Variants in DISC1 observed in about 807,000 individuals in gnomAD.
The protein encoded by DISC1 is disrupted in schizophrenia 1 protein.
Under a neutral mutation model 84.5 loss-of-function variants are expected in DISC1, and 57 were observed. That is an observed-to-expected ratio of 0.67 (90% CI 0.55 to 0.84). The LOEUF (loss-of-function observed/expected upper bound fraction) is 0.84, where lower values mean the gene tolerates loss of function less well. Ranked by LOEUF, DISC1 falls within the 40% of genes least tolerant of loss-of-function variation. The pLI is 0.00. For synonymous variants in DISC1, 411 were observed against 415.2 expected, an observed-to-expected ratio of 0.99 and a Z score of 0.12; for missense variants, 1,000 against 1,057.8, an observed-to-expected ratio of 0.95 and a Z score of 0.76.
intron 9 of DISC1, among the ~76,000 whole-genome samples, chr1:231,823,587 C>G (rs2081650333): frequency 6.6e-6 from 1 of 152,136 alleles, no homozygotes; most frequent in Non-Finnish European, 1.5e-5. Flanking sequence ...AGTGGAAAGT[C>G]CTCCTGAACA....
At chr1:231,926,495 C>G (rs929877574) in intron 9 of DISC1, among the ~76,000 whole-genome samples, 2 of 152,194 alleles carry the variant, frequency 1.3e-5, no homozygotes, top group Non-Finnish European at 2.9e-5. Context: ...GAACAACTTG[C>G]TGTACTTAAG....
chr1:232,022,933 G>A (rs3524), intron 11 of DISC1, among the ~76,000 whole-genome samples: 93,535 of 151,928 alleles, frequency 0.62, 30,350 homozygotes, highest in African/African-American at 0.83. Flanking sequence ...ACAGCCCCAC[G>A]AAAGAATGCC....
At chr1:231,774,352 A>C (rs1037213677) in intron 6 of DISC1, among the ~76,000 whole-genome samples, 1 of 152,180 alleles carries the variant, frequency 6.6e-6, no homozygotes, top group African/African-American at 2.4e-5. Context: ...CAATCTAATG[A>C]CTAGTTAATA....
chr1:231,978,607 G>T (rs943028657), intron 10 of DISC1, among the ~76,000 whole-genome samples: 1 of 152,136 alleles, frequency 6.6e-6, no homozygotes, highest in African/African-American at 2.4e-5. Context: ...TCACGGTTTC[G>T]TATATTCGTG....
intron 1 of DISC1, among the ~76,000 whole-genome samples, chr1:231,650,170 C>T (rs1027624338): frequency 4.6e-5 from 7 of 152,184 alleles, no homozygotes; most frequent in Admixed American, 3.3e-4. Context: ...ATGGTCTTTA[C>T]AGTTTGGCAT....
intron 10 of DISC1, among the ~76,000 whole-genome samples, chr1:231,999,193 T>C (rs1386993003): frequency 6.6e-6 from 1 of 152,108 alleles, no homozygotes; most frequent in Non-Finnish European, 1.5e-5. Flanking sequence ...ATGGACCATT[T>C]CTCTCTGCTT....
chr1:231,827,621 C>T (rs971935499), intron 9 of DISC1, among the ~76,000 whole-genome samples: 4 of 152,302 alleles, frequency 2.6e-5, no homozygotes, highest in South Asian at 2.1e-4. Flanking sequence ...TTTTCAGATT[C>T]TCTGAGCTCT....
chr1:231,744,454 T>C (rs1558466034), intron 3 of DISC1, among the ~76,000 whole-genome samples: 1 of 152,256 alleles, frequency 6.6e-6, no homozygotes, highest in Non-Finnish European at 1.5e-5. Flanking sequence ...AAGTTCTCAT[T>C]AGAATGGATT....
At chr1:231,945,442 C>A (rs1012112870) in intron 9 of DISC1, among the ~76,000 whole-genome samples, 2 of 152,180 alleles carry the variant, frequency 1.3e-5, no homozygotes, top group Non-Finnish European at 2.9e-5. Context: ...AAAGCAGAAT[C>A]TCTGGGACAC....
At chr1:231,736,950 T>G (rs1210351530) in intron 3 of DISC1, among the ~76,000 whole-genome samples, 1 of 152,272 alleles carries the variant, frequency 6.6e-6, no homozygotes, top group Non-Finnish European at 1.5e-5. Flanking sequence ...GATTTCTTGC[T>G]GCTTATAAAT....
intron 9 of DISC1, among the ~76,000 whole-genome samples, chr1:231,837,239 A>G (rs2082689793): frequency 6.6e-6 from 1 of 152,174 alleles, no homozygotes; most frequent in African/African-American, 2.4e-5. Context: ...CATAATGACA[A>G]TTAGAAAGGT....
intron 9 of DISC1, among the ~76,000 whole-genome samples, chr1:231,931,074 A>G (rs968058083): frequency 6.6e-6 from 1 of 152,076 alleles, no homozygotes; most frequent in Non-Finnish European, 1.5e-5. Flanking sequence ...CAAACTAGAC[A>G]TTGTCTTCAA....
chr1:232,016,949 G>T (rs1308871192), intron 11 of DISC1, among the ~76,000 whole-genome samples: 1 of 152,070 alleles, frequency 6.6e-6, no homozygotes, highest in Non-Finnish European at 1.5e-5. Flanking sequence ...TCTCAATTTT[G>T]CCTCTCTGCT....
In DISC1 at chr1:231,750,050, T is replaced by C; in HGVS notation, c.1242T>C (p.Ala414=). ...GTCACCTGGCAGCACAAGTCCAGGC[T>C]GCCTTGCGCCGTGGGGCCACTCAGC... is the stretch of plus-strand genomic sequence containing the variant. The part of the protein sequence containing the change: ...FLGHLAAQVQ[A]ALRRGATQQA... The change falls in exon 4 of 13, where the codon GCT becomes GCC. Residue 414 remains alanine (A), a synonymous_variant. Coordinates refer to ENST00000439617, the MANE Select transcript of DISC1 (RefSeq NM_018662.3). 2 of 1,614,148 alleles carry C rather than the reference T, an allele frequency of 1.2e-6. No homozygotes were observed. The highest frequency in any genetic ancestry group is 1.7e-6 in the Non-Finnish European group (2 of 1,179,990).
intron 9 of DISC1, among the ~76,000 whole-genome samples, chr1:231,944,614 C>T (rs935975582): frequency 1.3e-5 from 2 of 152,152 alleles, no homozygotes; most frequent in African/African-American, 4.8e-5. Context: ...GGGTCAGCTT[C>T]CTGGGGAAGC....
At chr1:231,840,732 G>T (rs1449718999) in intron 9 of DISC1, among the ~76,000 whole-genome samples, 1 of 151,840 alleles carries the variant, frequency 6.6e-6, no homozygotes, top group Non-Finnish European at 1.5e-5. Flanking sequence ...TTTTGAGACG[G>T]AGTCTCGCTC....
intron 11 of DISC1, among the ~76,000 whole-genome samples, chr1:232,011,552 G>A (rs1006235678): frequency 1.2e-4 from 19 of 152,108 alleles, no homozygotes; most frequent in African/African-American, 4.3e-4. Flanking sequence ...TTCTGAGAAC[G>A]GCAAAATTAT....
intron 10 of DISC1, among the ~76,000 whole-genome samples, chr1:231,997,822 C>A (rs964634951): frequency 3.3e-5 from 5 of 152,180 alleles, no homozygotes; most frequent in African/African-American, 1.2e-4. Flanking sequence ...TGGCAGTATC[C>A]ACTTCTCCAA....
intron 1 of DISC1, among the ~76,000 whole-genome samples, chr1:231,674,632 G>A (rs2062962399): frequency 6.6e-6 from 1 of 152,242 alleles, no homozygotes; most frequent in Non-Finnish European, 1.5e-5. Context: ...CATCAAAGCA[G>A]TTCTCTGCAG....
Sources: gnomAD v4.1 joint callset for allele counts (sites outside exome capture counted in the v4.1 genomes callset) on GRCh38, gnomAD v4.1.1 for gene constraint, MANE v1.5 for transcripts, NCBI Gene and HGNC (gene_info 2026-07-23, HGNC 2026-07-21) for gene names.